PCCA: variants seen among roughly 807,000 people sequenced by gnomAD.
PCCA encodes propionyl-CoA carboxylase alpha chain, mitochondrial.
Under a neutral mutation model 101.3 loss-of-function variants are expected in PCCA, and 74 were observed. The ratio of observed to expected loss-of-function variants is 0.73; its 90% CI spans 0.61 to 0.89. The LOEUF (loss-of-function observed/expected upper bound fraction) is 0.89. PCCA is among the 40% of genes least tolerant of loss of function. The probability of loss-of-function intolerance (pLI) is 0.00; values close to 1 mark genes in which losing one functional copy is unlikely to be tolerated. For missense variants in PCCA, 891 were observed against 907.0 expected (o/e 0.98, Z 0.23); for synonymous variants, 294 against 313.6 (o/e 0.94, Z 0.66).
intron 10 of PCCA, among the ~76,000 whole-genome samples, chr13:100,263,681 T>TTTC (rs2062682159): frequency 1.3e-5 from 2 of 152,164 alleles, no homozygotes; most frequent in Non-Finnish European, 2.9e-5. Context: ...TTTTACAACA[T>TTTC]TGAACACAGT....
intron 7 of PCCA, among the ~76,000 whole-genome samples, chr13:100,225,846 A>G (rs1312596793): frequency 6.6e-6 from 1 of 151,912 alleles, no homozygotes; most frequent in Non-Finnish European, 1.5e-5. Flanking sequence ...GCTGGAGTGC[A>G]GTGGCGCGAT....
intron 4 of PCCA, among the ~76,000 whole-genome samples, chr13:100,144,554 G>C (rs1286929565): frequency 6.6e-6 from 1 of 152,084 alleles, no homozygotes; most frequent in Non-Finnish European, 1.5e-5. Context: ...TTAAAAATAA[G>C]TTTTAACTGA....
intron 8 of PCCA, among the ~76,000 whole-genome samples, chr13:100,251,661 A>G (rs551317403): frequency 1.3e-5 from 2 of 152,328 alleles, no homozygotes; most frequent in South Asian, 4.1e-4. Flanking sequence ...GTATCAATCT[A>G]CAGATTATTT....
chr13:100,102,429 A>G (rs982750124), intron 1 of PCCA, among the ~76,000 whole-genome samples: 1 of 152,244 alleles, frequency 6.6e-6, no homozygotes, highest in African/African-American at 2.4e-5. Context: ...CCACTTCTGT[A>G]CCAGAAAATG....
chr13:100,508,502 C>T lies in PCCA; in HGVS notation c.1900-6925C>T, dbSNP rs1054683356. 1.2e-4 allele frequency among the ~76,000 whole-genome samples: 19 copies of T among 152,210 alleles called. 1 individual carries two copies. Among genetic ancestry groups the T allele is most frequent in the African/African-American group, 4.3e-4 (18 of 41,434 alleles). On this transcript the variant is annotated intron_variant, in intron 21 of 23. Transcript: ENST00000376285. ...GGCAGCGGACGAGTGTTGAAAGTGACGCATTATGTCGCTGCAATGTATTGA... is the reference window on the plus strand; with the variant it reads ...GGCAGCGGACGAGTGTTGAAAGTGATGCATTATGTCGCTGCAATGTATTGA...
intron 7 of PCCA, among the ~76,000 whole-genome samples, chr13:100,234,279 T>C (rs2060653935): frequency 1.3e-5 from 2 of 152,222 alleles, no homozygotes; most frequent in Non-Finnish European, 2.9e-5. Flanking sequence ...ACTAACATTC[T>C]TAAATGACCC....
chr13:100,131,940 C>G (rs373538730), intron 4 of PCCA, among the ~76,000 whole-genome samples: 113 of 152,172 alleles, frequency 7.4e-4, no homozygotes, highest in African/African-American at 2.6e-3. Flanking sequence ...TCTGAACCAG[C>G]CTGGGGAGTC....
chr13:100,232,007 C>A (rs2060499393), intron 7 of PCCA, among the ~76,000 whole-genome samples: 1 of 152,116 alleles, frequency 6.6e-6, no homozygotes, highest in Non-Finnish European at 1.5e-5. Flanking sequence ...CTACCCCCGC[C>A]CCCAGTATAT....
At chr13:100,380,066 A>G (rs2076145472) in intron 19 of PCCA, among the ~76,000 whole-genome samples, 1 of 151,800 alleles carries the variant, frequency 6.6e-6, no homozygotes, top group Non-Finnish European at 1.5e-5. Context: ...CACACACGAA[A>G]AAACAAAAAA....
At chr13:100,300,233 G>A (rs1361886250) in intron 12 of PCCA, among the ~76,000 whole-genome samples, 2 of 152,136 alleles carry the variant, frequency 1.3e-5, no homozygotes, top group African/African-American at 4.8e-5. Flanking sequence ...GCTTATTTTA[G>A]TGATGATTTG....
intron 12 of PCCA, among the ~76,000 whole-genome samples, chr13:100,286,332 G>A (rs2064647156): frequency 1.3e-5 from 2 of 152,140 alleles, no homozygotes; most frequent in Admixed American, 6.5e-5. Context: ...TATCCCTCAC[G>A]CACGTGGCCC....
chr13:100,512,738 C>T lies in PCCA; in HGVS notation c.1900-2689C>T, dbSNP rs561278227. ...CACAAGCCTTCAGAGTCTTGGATTC[C>T]TACCCTCAAACATCAACTTTGTGAT... On this transcript the variant is annotated intron_variant, in intron 21 of 23. Coordinates refer to ENST00000376285, the MANE Select transcript of PCCA (RefSeq NM_000282.4). 5.3e-5 allele frequency among the ~76,000 whole-genome samples: 8 copies of T among 152,338 alleles called. No individual in the cohort carries two copies. The South Asian group carries it at 1.7e-3, about 32-fold the overall frequency.
At chr13:100,219,488 G>T (rs569807909) in intron 7 of PCCA, among the ~76,000 whole-genome samples, 1 of 152,258 alleles carries the variant, frequency 6.6e-6, no homozygotes, top group East Asian at 1.9e-4. Context: ...CCTAGGAAGG[G>T]AATGTTTCTT....
chr13:100,238,360 C>T (rs1055390159), intron 8 of PCCA, among the ~76,000 whole-genome samples: 3 of 151,980 alleles, frequency 2.0e-5, no homozygotes, highest in Admixed American at 1.3e-4. Flanking sequence ...CTGTGCTTTA[C>T]CTCCTTTTCA....
At chr13:100,376,467 G>A (rs2075908544) in intron 19 of PCCA, among the ~76,000 whole-genome samples, 1 of 152,194 alleles carries the variant, frequency 6.6e-6, no homozygotes. Context: ...CTTCCCCCAG[G>A]TACTCTGTCC....
intron 20 of PCCA, among the ~76,000 whole-genome samples, chr13:100,428,681 C>A (rs1486595169): frequency 6.6e-6 from 1 of 151,986 alleles, no homozygotes; most frequent in Non-Finnish European, 1.5e-5. Flanking sequence ...GTTGTTGGAC[C>A]CACCCATAGC....
At chr13:100,307,352 G>A in intron 15 of PCCA, 92 bp downstream of exon 15, 1 of 877,370 alleles carries the variant, frequency 1.1e-6, no homozygotes, top group Non-Finnish European at 1.8e-6. Flanking sequence ...TGAATCATAA[G>A]CTATAATTAA....
intron 8 of PCCA, among the ~76,000 whole-genome samples, chr13:100,238,159 C>T (rs1038768236): frequency 2.0e-5 from 3 of 151,948 alleles, no homozygotes; most frequent in East Asian, 1.9e-4. Flanking sequence ...AGGCTGGTCT[C>T]GAACTCCTGA....
At chr13:100,481,387 G>A (rs904682637) in intron 21 of PCCA, among the ~76,000 whole-genome samples, 4 of 152,044 alleles carry the variant, frequency 2.6e-5, no homozygotes, top group African/African-American at 7.2e-5. Flanking sequence ...GCAAAACTCT[G>A]CCTCTACAAA....
Sources: gnomAD v4.1 joint callset for allele counts (sites outside exome capture counted in the v4.1 genomes callset) on GRCh38, gnomAD v4.1.1 for gene constraint, MANE v1.5 for transcripts, NCBI Gene and HGNC (gene_info 2026-07-23, HGNC 2026-07-21) for gene names.